Variants in NRG1 observed in about 807,000 individuals in gnomAD.
NRG1 encodes the protein neuregulin 1.
In NRG1, 18 loss-of-function variants were observed where a neutral mutation model predicts 63.8. The observed-to-expected ratio is 0.28, with a 90% confidence interval of 0.19 to 0.42. The LOEUF is 0.42. Among genes scored for constraint, NRG1 ranks in the 10% least tolerant of loss-of-function variants. The probability of loss-of-function intolerance (pLI) is 1.00; values close to 1 mark genes in which losing one functional copy is unlikely to be tolerated. For missense variants in NRG1, 762 were observed against 814.7 expected (o/e 0.94, Z 0.79); for synonymous variants, 302 against 301.3 (o/e 1.00, Z -0.02).
At chr8:31,941,594 C>T (rs1207260952) in intron 1 of NRG1, among the ~76,000 whole-genome samples, 1 of 152,026 alleles carries the variant, frequency 6.6e-6, no homozygotes, top group Admixed American at 6.5e-5. Flanking sequence ...GTAAAGAAGA[C>T]ATCAAATTGT....
At chr8:32,232,781 C>T (rs1286949676) in intron 1 of NRG1, among the ~76,000 whole-genome samples, 2 of 152,116 alleles carry the variant, frequency 1.3e-5, no homozygotes, top group East Asian at 1.9e-4. Context: ...GCCTAACAAA[C>T]ATTACTCAGG....
At chr8:31,812,344 G>A (rs1051023789) in intron 1 of NRG1, among the ~76,000 whole-genome samples, 5 of 152,078 alleles carry the variant, frequency 3.3e-5, no homozygotes, top group Non-Finnish European at 7.4e-5. Context: ...GTATAGGATG[G>A]GCCTGAGAAT....
intron 1 of NRG1, among the ~76,000 whole-genome samples, chr8:32,247,769 A>G (rs1270923706): frequency 2.6e-5 from 4 of 152,182 alleles, no homozygotes; most frequent in Non-Finnish European, 5.9e-5. Flanking sequence ...TAAATAAGCA[A>G]GGACGTGATA....
chr8:31,781,674 A>T (rs1012799676), intron 1 of NRG1, among the ~76,000 whole-genome samples: 3 of 152,130 alleles, frequency 2.0e-5, no homozygotes, highest in Admixed American at 6.6e-5. Context: ...AAGCCTAAAA[A>T]GGTAGCCAAG....
At chr8:31,948,429 C>T (rs1802958522) in intron 1 of NRG1, among the ~76,000 whole-genome samples, 1 of 152,130 alleles carries the variant, frequency 6.6e-6, no homozygotes, top group South Asian at 2.1e-4. Context: ...GAATACAGAA[C>T]CATGTAAGTA....
intron 1 of NRG1, among the ~76,000 whole-genome samples, chr8:32,028,769 A>C (rs1263075806): frequency 6.6e-6 from 1 of 152,184 alleles, no homozygotes; most frequent in Non-Finnish European, 1.5e-5. Context: ...CAAGATTATA[A>C]ATTGCTAGAT....
intron 1 of NRG1, among the ~76,000 whole-genome samples, chr8:31,863,818 G>A (rs1828695612): frequency 6.6e-6 from 1 of 152,020 alleles, no homozygotes; most frequent in East Asian, 1.9e-4. Context: ...TCTTTTTCAG[G>A]ATAGGTTAGA....
At chr8:32,713,121 C>T (rs1350954298) in intron 5 of NRG1, among the ~76,000 whole-genome samples, 2 of 152,142 alleles carry the variant, frequency 1.3e-5, no homozygotes, top group South Asian at 2.1e-4. Flanking sequence ...ATTCCAGCAA[C>T]ATAGATTACA....
intron 1 of NRG1, among the ~76,000 whole-genome samples, chr8:32,428,292 A>C (rs1817660653): frequency 6.6e-6 from 1 of 152,160 alleles, no homozygotes; most frequent in Non-Finnish European, 1.5e-5. Flanking sequence ...AATGTAATAA[A>C]ATTCACCTCT....
At chr8:31,885,383 A>G (rs561775983) in intron 1 of NRG1, among the ~76,000 whole-genome samples, 2 of 152,204 alleles carry the variant, frequency 1.3e-5, no homozygotes, top group South Asian at 4.1e-4. Context: ...GATACAAAAG[A>G]GGTCACTGTG....
chr8:32,628,489 G>A (rs1005680530), intron 5 of NRG1, among the ~76,000 whole-genome samples: 1 of 152,072 alleles, frequency 6.6e-6, no homozygotes, highest in African/African-American at 2.4e-5. Context: ...GATTATGGGG[G>A]TGGGAGAGTT....
intron 1 of NRG1, among the ~76,000 whole-genome samples, chr8:31,932,748 C>A (rs897247796): frequency 1.3e-5 from 2 of 152,164 alleles, no homozygotes; most frequent in African/African-American, 4.8e-5. Flanking sequence ...TCATGCTAGG[C>A]TCTCATTGCT....
At chr8:32,758,206 A>G (rs1449936742) in intron 9 of NRG1, among the ~76,000 whole-genome samples, 1 of 152,178 alleles carries the variant, frequency 6.6e-6, no homozygotes, top group Non-Finnish European at 1.5e-5. Flanking sequence ...ACTAACAGCA[A>G]TTAAAACACA....
At chr8:32,063,120 A>C (rs1475421520) in intron 1 of NRG1, 1 of 152,098 alleles carries the variant, frequency 6.6e-6, no homozygotes, top group Non-Finnish European at 1.5e-5. Context: ...TTCCAGGCTG[A>C]GACAATACAA....
At chr8:32,649,229 C>T (rs931250291) in intron 5 of NRG1, among the ~76,000 whole-genome samples, 1 of 145,936 alleles carries the variant, frequency 6.9e-6, no homozygotes, top group Non-Finnish European at 1.5e-5. Flanking sequence ...AGTTTAATAA[C>T]CTGTGATGTG....
At chr8:32,293,612 T>A (rs1384899538) in intron 1 of NRG1, among the ~76,000 whole-genome samples, 2 of 152,122 alleles carry the variant, frequency 1.3e-5, no homozygotes, top group Admixed American at 6.5e-5. Flanking sequence ...CCTTGTTTGA[T>A]TTTTAGGAAA....
chr8:32,404,416 C>T lies in NRG1; in HGVS notation c.38-191412C>T, dbSNP rs1006758083. Among the ~76,000 whole-genome samples the T allele has an allele frequency of 9.2e-5, 14 of 152,114 alleles. No individual in the cohort carries two copies. In the East Asian group the frequency reaches 1.9e-3, roughly 21 times the overall value. On this transcript the variant is annotated intron_variant, in intron 1 of 10. Transcript: ENST00000519301. ...AGGCTATGCCTACTTTATTCATCAT[C>T]GTGTCTTCAGTGCCTAGCACCCTGC...
At position 32,492,138 on chromosome 8, in the gene NRG1, A is replaced by AC. The variant is rs751058208; in HGVS notation, c.38-103689dup. Among the ~76,000 whole-genome samples the AC allele has an allele frequency of 1.6e-4, 24 of 151,642 alleles. No homozygotes were observed. In the East Asian group the frequency reaches 1.8e-3, roughly 11 times the overall value. ...CATTAAGAAAAAAAGAAAAAAAAAA[A>AC]CATTTTTTTCCCAGTCATGGGGACC... On this transcript the variant is annotated intron_variant, in intron 1 of 10. Transcript: ENST00000519301.
chr8:32,471,255 ATTCT>A (rs916422133), intron 1 of NRG1, among the ~76,000 whole-genome samples: 10 of 152,200 alleles, frequency 6.6e-5, no homozygotes, highest in African/African-American at 2.2e-4. Flanking sequence ...CAACAATAAG[ATTCT>A]TTATCTATAT....
Sources: allele counts gnomAD v4.1 joint callset (sites outside exome capture counted in the v4.1 genomes callset), GRCh38; gene constraint gnomAD v4.1.1; transcripts MANE v1.5; gene names NCBI Gene and HGNC (gene_info 2026-07-23, HGNC 2026-07-21).